The following TCF20 variants were observed in gnomAD, a reference collection of about 807,000 sequenced individuals.
TCF20 encodes transcription factor 20.
A neutral mutation model predicts 148.6 loss-of-function variants in TCF20; 3 were observed. The observed-to-expected ratio is 0.02, with a 90% CI of 0.01 to 0.05. The LOEUF (loss-of-function observed/expected upper bound fraction) is 0.05, where lower values mean the gene tolerates loss of function less well. TCF20 is among the 10% of genes least tolerant of loss of function. The pLI is 1.00. For synonymous variants in TCF20, 1,049 were observed against 909.5 expected (o/e 1.15, Z -2.76); for missense variants, 2,350 against 2,429.3 (o/e 0.97, Z 0.69).
chr22:42,239,713 G>A (rs1367116792), intron 1 of TCF20, among the ~76,000 whole-genome samples: 2 of 152,188 alleles, frequency 1.3e-5, no homozygotes, highest in South Asian at 2.1e-4. Flanking sequence ...CTAGAACCCA[G>A]GAGGTGGAGG....
chr22:42,229,099 G>C (rs1004112854), intron 1 of TCF20, among the ~76,000 whole-genome samples: 1 of 151,934 alleles, frequency 6.6e-6, no homozygotes, highest in African/African-American at 2.4e-5. Context: ...AGAAGGTGGA[G>C]AAGAGGAAAA....
intron 1 of TCF20, among the ~76,000 whole-genome samples, chr22:42,230,789 G>T (rs1233097334): frequency 6.6e-6 from 1 of 151,956 alleles, no homozygotes; most frequent in Admixed American, 6.6e-5. Flanking sequence ...CCCTGTGTAG[G>T]TTTAGGCTAA....
chr22:42,161,487 C>T, intron 5 of TCF20, 129 bp from the exon 6 acceptor site: 2 of 1,217,864 alleles, frequency 1.6e-6, no homozygotes, highest in Non-Finnish European at 1.2e-6. Context: ...TGCAGATGTG[C>T]TGCTGATATG....
intron 1 of TCF20, among the ~76,000 whole-genome samples, chr22:42,335,608 AC>A (rs1314687548): frequency 6.6e-6 from 1 of 152,112 alleles, no homozygotes; most frequent in Admixed American, 6.6e-5. Context: ...GTTACCCCTG[AC>A]TCTGAGCAGA....
intron 1 of TCF20, among the ~76,000 whole-genome samples, chr22:42,244,427 T>C (rs1238479624): frequency 1.3e-5 from 2 of 152,314 alleles, no homozygotes; most frequent in African/African-American, 2.4e-5. Flanking sequence ...TTGTGGTATA[T>C]ACATAAAACT....
At chr22:42,173,223 A>T (rs1306542830) in intron 3 of TCF20, among the ~76,000 whole-genome samples, 2 of 148,972 alleles carry the variant, frequency 1.3e-5, no homozygotes, top group Non-Finnish European at 3.0e-5. Context: ...GTTGTGGCTC[A>T]TTGCATTAAA....
intron 1 of TCF20, among the ~76,000 whole-genome samples, chr22:42,252,562 C>T (rs1443351575): frequency 2.6e-5 from 4 of 152,022 alleles, no homozygotes; most frequent in Admixed American, 6.6e-5. Flanking sequence ...GCGATTCTCC[C>T]GCCTCAGCCT....
At chr22:42,236,624 T>C (rs1353346821) in intron 1 of TCF20, among the ~76,000 whole-genome samples, 2 of 152,102 alleles carry the variant, frequency 1.3e-5, no homozygotes, top group South Asian at 2.1e-4. Context: ...CTAACCCCAG[T>C]CATTCTGAAA....
upstream of TCF20, chr22:42,274,326 C>T (rs1926722263): frequency 6.6e-6 from 1 of 152,470 alleles, no homozygotes. Flanking sequence ...TGGAGAGCCT[C>T]TGTGGGCACG....
exon 1 of TCF20, among the ~76,000 whole-genome samples, chr22:42,283,989 C>T (rs888036684): frequency 1.3e-5 from 2 of 152,208 alleles, no homozygotes; most frequent in Non-Finnish European, 2.9e-5. Flanking sequence ...TCAGCCTCCT[C>T]GCGGCTCCTC....
chr22:42,179,771 G>T (rs568336393), intron 2 of TCF20, 69 bp from the exon 3 acceptor site: 2 of 996,698 alleles, frequency 2.0e-6, no homozygotes, highest in African/African-American at 1.6e-5. Context: ...GCCTTCCCTG[G>T]TCCCCATCTG....
intron 1 of TCF20, among the ~76,000 whole-genome samples, chr22:42,283,640 G>C (rs889393954): frequency 8.5e-5 from 13 of 152,256 alleles, no homozygotes; most frequent in African/African-American, 3.1e-4. Context: ...GCCTTTGATG[G>C]GGACAAGGCA....
chr22:42,179,076 G>A (rs1936618801), intron 3 of TCF20, among the ~76,000 whole-genome samples: 1 of 151,142 alleles, frequency 6.6e-6, no homozygotes, highest in Admixed American at 6.6e-5. Context: ...GACAGCAAGT[G>A]TCAGGGAGGA....
intron 3 of TCF20, among the ~76,000 whole-genome samples, chr22:42,176,489 T>G (rs1023647061): frequency 6.6e-6 from 1 of 152,188 alleles, no homozygotes; most frequent in African/African-American, 2.4e-5. Flanking sequence ...CCTCTTCCCC[T>G]TCCCATCAAA....
chr22:42,223,245 A>G (rs1385239287), intron 1 of TCF20, among the ~76,000 whole-genome samples: 1 of 152,210 alleles, frequency 6.6e-6, no homozygotes, highest in Non-Finnish European at 1.5e-5. Context: ...TGAGGGGGAA[A>G]AATTAATGTA....
At chr22:42,230,538 C>G (rs547996547) in intron 1 of TCF20, among the ~76,000 whole-genome samples, 1 of 152,132 alleles carries the variant, frequency 6.6e-6, no homozygotes, top group South Asian at 2.1e-4. Flanking sequence ...CCTAGCTACT[C>G]AGGAGGCTGA....
chr22:42,326,666 GCACAT>G (rs1927880669), intron 1 of TCF20, among the ~76,000 whole-genome samples: 1 of 152,212 alleles, frequency 6.6e-6, no homozygotes, highest in Admixed American at 6.5e-5. Flanking sequence ...CCCAAGGCCA[GCACAT>G]CACCCCTCTG....
chr22:42,188,978 C>G (rs537680474), intron 2 of TCF20, among the ~76,000 whole-genome samples: 2 of 152,130 alleles, frequency 1.3e-5, no homozygotes, highest in East Asian at 3.9e-4. Flanking sequence ...TGTAGCTTGA[C>G]CTGAGTCATA....
chr22:42,342,390 G>GA (rs1378602216), intron 1 of TCF20, among the ~76,000 whole-genome samples: 1 of 152,148 alleles, frequency 6.6e-6, no homozygotes, highest in Non-Finnish European at 1.5e-5. Context: ...CCTGGGGTAG[G>GA]ATAAAGACTG....
Sources: gnomAD v4.1 joint callset for allele counts (sites outside exome capture counted in the v4.1 genomes callset) on GRCh38, gnomAD v4.1.1 for gene constraint, MANE v1.5 for transcripts, NCBI Gene and HGNC (gene_info 2026-07-23, HGNC 2026-07-21) for gene names.